PDRG1: variants seen among roughly 807,000 people sequenced by gnomAD.
PDRG1 encodes p53 and DNA damage-regulated protein 1.
PDRG1 carries 14 observed loss-of-function variants against 18.4 expected under a neutral mutation model. The ratio of observed to expected loss-of-function variants is 0.76; its 90% CI spans 0.50 to 1.19. The LOEUF (loss-of-function observed/expected upper bound fraction) is 1.19, where lower values mean the gene tolerates loss of function less well. PDRG1 is among the 50% of genes most tolerant of loss of function. The probability of loss-of-function intolerance (pLI) is 0.00; values close to 1 mark genes in which losing one functional copy is unlikely to be tolerated. For synonymous variants in PDRG1, 65 were observed against 60.9 expected (o/e 1.07, Z -0.31); for missense variants, 177 against 160.1 (o/e 1.11, Z -0.57).
Position 31,946,502 on chromosome 20 carries a change from C to G in PDRG1, c.313G>C (p.Ala105Pro), listed in dbSNP as rs2064319990. 6.2e-7 allele frequency: 1 copy of G among 1,606,620 alleles called. No individual in the cohort carries two copies. The highest frequency in any genetic ancestry group is 1.1e-5 in the South Asian group (1 of 90,868). ...GTCCCTGCTAAGCCAATACCTTGGGCCTCAAAAAGGCGGTTGACCTTCACT... is the reference window on the plus strand; with the variant it reads ...GTCCCTGCTAAGCCAATACCTTGGGGCTCAAAAAGGCGGTTGACCTTCACT... ...LKVKVNRLFEAQGKPELKGFN... is the reference protein window; with the variant it reads ...LKVKVNRLFEPQGKPELKGFN... Residue 105 changes from alanine to proline, a missense_variant, in exon 4 of 5, where the codon GCC (alanine) becomes CCC (proline). Transcript: ENST00000202017.
At position 31,950,354 on chromosome 20, in the gene PDRG1, G is replaced by C. The variant is rs142890852; in HGVS notation, c.121C>G (p.Arg41Gly). ...TTCTGCAGGGCCCTCAGGCCCTCTC[G>C]ATTCTGATTCCTTTTAGTGTCCAGG... ...VDLDTKRNQN[R>G]EGLRALQKDL... is the part of the protein sequence containing the mutation. Residue 41 changes from arginine (R) to glycine (G), a missense_variant, in exon 2 of 5, where the codon CGA becomes GGA. Transcript: ENST00000202017. 6.2e-7 allele frequency: 1 copy of C among 1,613,230 alleles called. No homozygotes were observed. The highest frequency in any genetic ancestry group is 8.5e-7 in the Non-Finnish European group (1 of 1,179,140).
chr20:31,950,857 C>G (rs6058501), intron 1 of PDRG1, among the ~76,000 whole-genome samples: 56,054 of 151,998 alleles, frequency 0.37, 12,876 homozygotes, highest in African/African-American at 0.65. Flanking sequence ...AAGGAAGTGA[C>G]GCAGTAGTAC....
At chr20:31,949,160 T>C (rs1432690820) in intron 2 of PDRG1, among the ~76,000 whole-genome samples, 1 of 152,170 alleles carries the variant, frequency 6.6e-6, no homozygotes, top group Non-Finnish European at 1.5e-5. Flanking sequence ...TTATATGCTA[T>C]CTACACAGAG....
chr20:31,951,917 T>G lies in PDRG1; in HGVS notation c.45A>C (p.Glu15Asp). 6.3e-7 allele frequency: 1 copy of G among 1,595,660 alleles called. No individual in the cohort carries two copies. The highest frequency in any genetic ancestry group is 1.1e-5 in the South Asian group (1 of 88,128). Residue 15 changes from glutamate to aspartate, a missense_variant, in exon 1 of 5, where the codon GAA becomes GAC. By Grantham distance (45) the Glu-to-Asp change is conservative. Transcript: ENST00000202017. ...EAERVLRYLV[E>D]VEELAEEVLA... ...GCACCTCCTCGGCGAGCTCCTCCAC[T>G]TCTACAAGGTACCGCAGCACTCGCT...
intron 3 of PDRG1, among the ~76,000 whole-genome samples, chr20:31,947,841 G>A (rs1478076151): frequency 1.3e-5 from 2 of 151,918 alleles, no homozygotes; most frequent in African/African-American, 4.8e-5. Context: ...AGTGAGCCGA[G>A]ATAGCACCAT....
rs1473689632 is a variant in PDRG1 at position 31,946,523 on chromosome 20, T to G, written c.292A>C (p.Lys98Gln). 6.2e-7 allele frequency: 1 copy of G among 1,613,314 alleles called. No homozygotes were observed. Among genetic ancestry groups the G allele is most frequent in the Admixed American group, 1.7e-5 (1 of 60,024 alleles). Residue 98 changes from lysine (K) to glutamine (Q), a missense_variant, in exon 4 of 5, where the codon AAG becomes CAG. By Grantham distance (53) the Lys-to-Gln change is moderately conservative. Coordinates refer to ENST00000202017, the MANE Select transcript of PDRG1 (RefSeq NM_030815.3). ...IEKLRKQLKV[K>Q]VNRLFEAQGK... ...TGGGCCTCAAAAAGGCGGTTGACCT[T>G]CACTTTAAGTTGCTTCCGCAGTTTT...
intron 1 of PDRG1, among the ~76,000 whole-genome samples, chr20:31,951,043 G>A (rs181727509): frequency 7.2e-5 from 11 of 152,250 alleles, no homozygotes; most frequent in African/African-American, 2.4e-4. Flanking sequence ...ACAGTACCTG[G>A]CACATAGTAA....
chr20:31,946,358 G>A, intron 4 of PDRG1, 138 bp downstream of exon 4: 1 of 768,496 alleles, frequency 1.3e-6, no homozygotes, highest in Non-Finnish European at 2.3e-6. Context: ...ACCAACCACT[G>A]TGCACACCTC....
chr20:31,950,810 G>A (rs1421749204), intron 1 of PDRG1, among the ~76,000 whole-genome samples: 1 of 152,062 alleles, frequency 6.6e-6, no homozygotes, highest in African/African-American at 2.4e-5. Context: ...AGCAGGATTG[G>A]GGGCACTGAG....
intron 2 of PDRG1, 50 bp downstream of exon 2, chr20:31,950,262 A>G: frequency 1.4e-6 from 2 of 1,391,718 alleles, no homozygotes; most frequent in Non-Finnish European, 2.0e-6. Flanking sequence ...AAGGCCTTAA[A>G]GGAAAACGGA....
In PDRG1 at chr20:31,946,550, C is replaced by G. The variant is rs780722451; in HGVS notation, c.265G>C (p.Glu89Gln). The G allele has an allele frequency of 2.5e-6, 4 of 1,613,194 alleles. No homozygotes were observed. The highest frequency in any genetic ancestry group is 3.4e-6 in the Non-Finnish European group (4 of 1,179,316). The change falls in exon 4 of 5, where the codon GAA becomes CAA. Residue 89 changes from glutamate to glutamine, a missense_variant. Physicochemically the swap from Glu to Gln is conservative, Grantham distance 29. Transcript: ENST00000202017. Reference protein sequence around the residue: ...KDQDHLDKEIEKLRKQLKVKV... With the variant: ...KDQDHLDKEIQKLRKQLKVKV... Reference sequence around the variant, plus strand: ...ACTTTAAGTTGCTTCCGCAGTTTTTCTATTTCTTTATCCAGATGATCTTGA... The same window carrying G: ...ACTTTAAGTTGCTTCCGCAGTTTTTGTATTTCTTTATCCAGATGATCTTGA...
chr20:31,944,666 A>C lies in PDRG1; in HGVS notation c.*1141T>G, dbSNP rs2064289816. On this transcript the variant is annotated 3_prime_UTR_variant, in exon 5 of 5. Coordinates refer to ENST00000202017, the MANE Select transcript of PDRG1 (RefSeq NM_030815.3). ...CTCATGTTTTAAAAGTTTCTGCATTAGTCAAAAATATTTAAAAGGAGATTC... is the reference window on the plus strand; with the variant it reads ...CTCATGTTTTAAAAGTTTCTGCATTCGTCAAAAATATTTAAAAGGAGATTC... The C allele has an allele frequency of 6.6e-6, 1 of 152,256 alleles. No individual in the cohort carries two copies. The highest frequency in any genetic ancestry group is 1.5e-5 in the Non-Finnish European group (1 of 68,050). 9.4% of individuals were successfully genotyped at this position (152,256 alleles called of 1,614,324 possible).
chr20:31,948,769 G>A (rs1013653190), intron 3 of PDRG1, 39 bp downstream of exon 3: 12 of 1,561,084 alleles, frequency 7.7e-6, no homozygotes, highest in Middle Eastern at 1.7e-4. Context: ...GCTGGTGGGA[G>A]AGGCAGCACA....
At position 31,946,373 on chromosome 20, in the gene PDRG1, G is replaced by A. The variant is rs2123677218; in HGVS notation, c.319+123C>T. 3.4e-6 allele frequency: 3 copies of A among 880,966 alleles called. No individual in the cohort carries two copies. In the Admixed American group the frequency reaches 5.4e-5, roughly 16 times the overall value. 54.6% of individuals were successfully genotyped at this position (880,966 alleles called of 1,614,324 possible). On this transcript the variant is annotated intron_variant, in intron 4 of 4. Transcript: ENST00000202017. The stretch of plus-strand genomic sequence containing the variant: ...ACCAACCACTGTGCACACCTCCAGG[G>A]CCACTCACAGGCTGCCCCGGACACT...
chr20:31,948,968 A>G, intron 2 of PDRG1, 86 bp from the exon 3 acceptor site: 1 of 1,282,434 alleles, frequency 7.8e-7, no homozygotes, highest in Non-Finnish European at 1.1e-6. Flanking sequence ...CAGACAACAG[A>G]GCAGAACAAG....
rs773673202 is a variant in PDRG1 at position 31,948,765 on chromosome 20, G to A, written c.238+43C>T. The A allele has an allele frequency of 2.6e-6, 4 of 1,551,406 alleles. No homozygotes were observed. In the East Asian group the frequency reaches 6.8e-5, roughly 27 times the overall value. ...GTTCTGGGTTAAGACCAAAGCTGGT[G>A]GGAGAGGCAGCACACCCCTGACCCA... On this transcript the variant is annotated intron_variant, in intron 3 of 4. Coordinates refer to ENST00000202017, the MANE Select transcript of PDRG1 (RefSeq NM_030815.3).
chr20:31,950,522 T>C (rs1033909266), intron 1 of PDRG1, 135 bp from the exon 2 acceptor site: 2 of 662,444 alleles, frequency 3.0e-6, no homozygotes, highest in African/African-American at 3.6e-5. Flanking sequence ...GATTGATGTG[T>C]GAATGTATTT....
intron 2 of PDRG1, among the ~76,000 whole-genome samples, chr20:31,949,348 G>A (rs1316389517): frequency 6.6e-6 from 1 of 152,194 alleles, no homozygotes; most frequent in Non-Finnish European, 1.5e-5. Flanking sequence ...GAGGCAGGTG[G>A]ATCACTTGAG....
intron 1 of PDRG1, among the ~76,000 whole-genome samples, chr20:31,950,850 GA>G (rs2064347426): frequency 6.6e-6 from 1 of 152,128 alleles, no homozygotes; most frequent in South Asian, 2.1e-4. Flanking sequence ...AGCTACTAAG[GA>G]AGTGACGCAG....
Sources: allele counts gnomAD v4.1 joint callset (sites outside exome capture counted in the v4.1 genomes callset), GRCh38; gene constraint gnomAD v4.1.1; transcripts MANE v1.5; gene names NCBI Gene and HGNC (gene_info 2026-07-23, HGNC 2026-07-21).